The following ZBTB5 variants were observed in gnomAD, a reference collection of about 807,000 sequenced individuals.
The protein encoded by ZBTB5 is zinc finger and BTB domain-containing protein 5.
ZBTB5 carries 15 observed loss-of-function variants against 37.9 expected under a neutral mutation model. The ratio of observed to expected loss-of-function variants is 0.40; its 90% CI spans 0.26 to 0.61. The LOEUF (loss-of-function observed/expected upper bound fraction) is 0.61, where lower values mean the gene tolerates loss of function less well. ZBTB5 is among the 20% of genes least tolerant of loss of function. The probability of loss-of-function intolerance (pLI) is 0.47; values close to 1 mark genes in which losing one functional copy is unlikely to be tolerated. For synonymous variants in ZBTB5, 315 were observed against 312.4 expected (o/e 1.01, Z -0.09); for missense variants, 708 against 856.8 (o/e 0.83, Z 2.17).
chr9:37,453,778 G>C (rs1327786194), intron 1 of ZBTB5, among the ~76,000 whole-genome samples: 1 of 152,182 alleles, frequency 6.6e-6, no homozygotes, highest in Non-Finnish European at 1.5e-5. Context: ...TGTGACCCAA[G>C]TTCTGCCAAT....
rs574932954 is a variant in ZBTB5, at chr9:37,441,703, C to G, written c.849G>C (p.Met283Ile). ...PSQSDNSAGN[M>I]AQLSMASRAT... ...CACGAGAGGCCATGGACAACTGTGC[C>G]ATGTTGCCAGCACTGTTATCAGACT... Residue 283 changes from methionine to isoleucine, a missense_variant, in exon 2 of 2, where the codon ATG becomes ATC. Physicochemically the swap from Met to Ile is conservative, Grantham distance 10. Around this residue, in one of 3 missense-constraint regions of ZBTB5, gnomAD observed 639 missense variants for 690.5 expected, o/e 0.93. Coordinates refer to ENST00000307750, the MANE Select transcript of ZBTB5 (RefSeq NM_014872.3). 6.2e-7 allele frequency: 1 copy of G among 1,613,922 alleles called. No homozygotes were observed. Among genetic ancestry groups the G allele is most frequent in the Non-Finnish European group, 8.5e-7 (1 of 1,179,974 alleles).
intron 1 of ZBTB5, among the ~76,000 whole-genome samples, chr9:37,449,155 TGGGA>T (rs1163604919): frequency 1.3e-5 from 2 of 152,136 alleles, no homozygotes; most frequent in African/African-American, 4.8e-5. Context: ...GAGGCCTAGG[TGGGA>T]GGATCAGTTG....
intron 1 of ZBTB5, among the ~76,000 whole-genome samples, chr9:37,463,347 C>T (rs1311673377): frequency 3.3e-5 from 5 of 151,956 alleles, no homozygotes; most frequent in African/African-American, 9.7e-5. Context: ...AGAAATATTA[C>T]GTACAGTAAA....
At position 37,441,018 on chromosome 9, in the gene ZBTB5, C is replaced by A. The variant is rs779376995; in HGVS notation, c.1534G>T (p.Gly512Cys). The A allele has an allele frequency of 6.2e-7, 1 of 1,614,014 alleles. No homozygotes were observed. The highest frequency in any genetic ancestry group is 1.1e-5 in the South Asian group (1 of 91,084). Residue 512 changes from glycine to cysteine, a missense_variant, in exon 2 of 2, where the codon GGC becomes TGC. By Grantham distance (159) the Gly-to-Cys change is radical (BLOSUM62 -3). This residue lies in a region of ZBTB5 where 639 missense variants were observed against 690.5 expected (regional missense o/e 0.93). Coordinates refer to ENST00000307750, the MANE Select transcript of ZBTB5 (RefSeq NM_014872.3). Reference sequence around the variant, plus strand: ...ACCCTGGAGAAGGAGGAGTGGAGGCCCAAACCAGACCTGGAAAAGTCCATC... The same window carrying A: ...ACCCTGGAGAAGGAGGAGTGGAGGCACAAACCAGACCTGGAAAAGTCCATC... Reference protein sequence around the residue: ...FGMDFSRSGLGLHSSFSRVMI... With the variant: ...FGMDFSRSGLCLHSSFSRVMI...
At chr9:37,456,818 G>T (rs1177881114) in intron 1 of ZBTB5, among the ~76,000 whole-genome samples, 1 of 152,102 alleles carries the variant, frequency 6.6e-6, no homozygotes, top group Non-Finnish European at 1.5e-5. Context: ...GCTATATATG[G>T]ATGAAGTATA....
chr9:37,440,165 A>T lies in ZBTB5; in HGVS notation c.*353T>A. The stretch of plus-strand genomic sequence containing the variant: ...TAATACTCCCATCAGAAGGTATAGG[A>T]AATTTAAATGCTACACAGTTTTACA... On this transcript the variant is annotated 3_prime_UTR_variant, in exon 2 of 2. Coordinates refer to ENST00000307750, the MANE Select transcript of ZBTB5 (RefSeq NM_014872.3). The T allele has an allele frequency of 3.5e-6, 1 of 285,090 alleles. No homozygotes were observed. The highest frequency in any genetic ancestry group is 4.1e-5 in the South Asian group (1 of 24,632). The allele number at this position is 285,090 out of a possible 1,614,324, so 17.7% of individuals were successfully genotyped here.
At chr9:37,454,761 T>C (rs1165913701) in intron 1 of ZBTB5, among the ~76,000 whole-genome samples, 1 of 152,238 alleles carries the variant, frequency 6.6e-6, no homozygotes, top group Non-Finnish European at 1.5e-5. Context: ...ACTTCATTCA[T>C]AACAAAAACC....
At chr9:37,443,012 T>C (rs187838046) in intron 1 of ZBTB5, among the ~76,000 whole-genome samples, 62 of 152,294 alleles carry the variant, frequency 4.1e-4, no homozygotes, top group Middle Eastern at 3.4e-3. Flanking sequence ...TGGTAGCAGA[T>C]TGCACACACG....
chr9:37,455,826 T>C (rs1293360691), intron 1 of ZBTB5, among the ~76,000 whole-genome samples: 3 of 151,422 alleles, frequency 2.0e-5, no homozygotes, highest in Non-Finnish European at 4.4e-5. Flanking sequence ...AAGGACCCAC[T>C]CAAGTAGGCT....
Position 37,441,896 on chromosome 9 carries a change from G to A in ZBTB5, c.656C>T (p.Pro219Leu), listed in dbSNP as rs1823887115. The A allele has an allele frequency of 5.6e-6, 9 of 1,614,148 alleles. 1 individual carries two copies. Among genetic ancestry groups the A allele is most frequent in the South Asian group, 4.4e-5 (4 of 91,086 alleles). The change falls in exon 2 of 2, where the codon CCG becomes CTG. Residue 219 changes from proline (P) to leucine (L), a missense_variant. By Grantham distance (98) the Pro-to-Leu change is moderately conservative. Around this residue, in one of 3 missense-constraint regions of ZBTB5, gnomAD observed 639 missense variants for 690.5 expected, o/e 0.93. Coordinates refer to ENST00000307750, the MANE Select transcript of ZBTB5 (RefSeq NM_014872.3). ...ATGAACCCCTGAAGGCCCATTCTCC[G>A]GTGTAACATCTGAAATGGCAGACTC... ...IDESAISDVT[P>L]ENGPSGVHSR...
chr9:37,451,692 T>C (rs942824576), intron 1 of ZBTB5, among the ~76,000 whole-genome samples: 7 of 151,840 alleles, frequency 4.6e-5, no homozygotes, highest in Admixed American at 1.3e-4. Flanking sequence ...ACTGTCATTA[T>C]CACCCCCTAA....
intron 1 of ZBTB5, among the ~76,000 whole-genome samples, chr9:37,462,635 C>T (rs72739655): frequency 0.14 from 20,883 of 151,136 alleles, 1,782 homozygotes; most frequent in Middle Eastern, 0.24. Flanking sequence ...ATGCTCTCAG[C>T]TCAATGCAAC....
At chr9:37,455,852 T>A (rs536263811) in intron 1 of ZBTB5, among the ~76,000 whole-genome samples, 4 of 152,114 alleles carry the variant, frequency 2.6e-5, no homozygotes, top group African/African-American at 4.8e-5. Context: ...TTTTTTTTTT[T>A]AAATACAGGT....
At chr9:37,444,081 T>C (rs1003501112) in intron 1 of ZBTB5, among the ~76,000 whole-genome samples, 1 of 152,072 alleles carries the variant, frequency 6.6e-6, no homozygotes, top group Admixed American at 6.5e-5. Flanking sequence ...AGGCCCTGTC[T>C]CAGAAAATAA....
rs2308190 is a variant in ZBTB5, at chr9:37,439,788, G to GAAAC, written c.*726_*729dup. On this transcript the variant is annotated 3_prime_UTR_variant, in exon 2 of 2. Coordinates refer to ENST00000307750, the MANE Select transcript of ZBTB5 (RefSeq NM_014872.3). ...AAATACTGCTCAAACAGCACATAGG[G>GAAAC]AAACAATACCTTGTCACTCTCTACA... is the stretch of plus-strand genomic sequence containing the variant. The GAAAC allele has an allele frequency of 0.61, 92,394 of 151,750 alleles. 29,481 individuals carry two copies. The highest frequency in any genetic ancestry group is 0.86 in the East Asian group (4,429 of 5,140). The allele number at this position is 151,750 out of a possible 1,614,324, so 9.4% of individuals were successfully genotyped here.
chr9:37,448,821 CA>C (rs1363579031), intron 1 of ZBTB5, among the ~76,000 whole-genome samples: 2 of 151,636 alleles, frequency 1.3e-5, no homozygotes, highest in Admixed American at 6.6e-5. Context: ...CCGAGGTGGG[CA>C]AACACGAGGT....
In ZBTB5 at chr9:37,440,748, G is replaced by C. The variant is rs758633011; in HGVS notation, c.1804C>G (p.His602Asp). Residue 602 changes from histidine to aspartate, a missense_variant, in exon 2 of 2, where the codon CAC (histidine) becomes GAC (aspartate). His to Asp is a moderately conservative substitution (Grantham distance 81, BLOSUM62 -1). Around this residue, in one of 3 missense-constraint regions of ZBTB5, gnomAD observed 42 missense variants for 107.9 expected, o/e 0.39. Transcript: ENST00000307750. ...GCTCCCTCTACAACCAAAACATTGT[G>C]CTCTGATAAGGCCTTCTTGCACTTT... ...LSKCKKALSE[H>D]NVLVVEGARK... 1.8e-5 allele frequency: 29 copies of C among 1,614,256 alleles called. No homozygotes were observed. In the Admixed American group the frequency reaches 4.8e-4, roughly 27 times the overall value.
intron 1 of ZBTB5, among the ~76,000 whole-genome samples, chr9:37,461,714 CAG>C (rs1260215843): frequency 2.0e-5 from 3 of 151,878 alleles, no homozygotes; most frequent in Non-Finnish European, 2.9e-5. Context: ...GCCTGGGTGA[CAG>C]AGTGAGACCC....
rs764142331 is a variant in ZBTB5, at chr9:37,440,995, CCTGGAG to C, written c.1551_1556del (p.Phe517_Arg519delinsLeu). ...CTCCCCTTGGGGAACCTATCATTAC[CCTGGAG>C]AAGGAGGAGTGGAGGCCCAAACCAG... On this transcript the variant is annotated inframe_deletion, in exon 2 of 2. Transcript: ENST00000307750. 1 of 1,614,154 alleles carries C rather than the reference CCTGGAG, an allele frequency of 6.2e-7. No individual in the cohort carries two copies. Among genetic ancestry groups the C allele is most frequent in the Non-Finnish European group, 8.5e-7 (1 of 1,180,038 alleles).
Sources: allele counts gnomAD v4.1 joint callset (sites outside exome capture counted in the v4.1 genomes callset), GRCh38; gene constraint gnomAD v4.1.1; regional missense constraint gnomAD v4.1.1; transcripts MANE v1.5; gene names NCBI Gene and HGNC (gene_info 2026-07-23, HGNC 2026-07-21).